Variants in TTC23L observed in about 807,000 individuals in gnomAD.
The protein encoded by TTC23L is tetratricopeptide repeat domain 23 like, also known as tetratricopeptide repeat protein 23-like.
Under a neutral mutation model 48.1 loss-of-function variants are expected in TTC23L, and 42 were observed. The ratio of observed to expected loss-of-function variants is 0.87; its 90% confidence interval spans 0.68 to 1.13. TTC23L has a LOEUF of 1.13. Ranked by LOEUF, TTC23L falls within the 50% of genes most tolerant of loss-of-function variation. The probability of loss-of-function intolerance (pLI) is 0.00; values close to 1 mark genes in which losing one functional copy is unlikely to be tolerated. For synonymous variants in TTC23L, 159 were observed against 157.2 expected (o/e 1.01, Z -0.09); for missense variants, 391 against 421.0 (o/e 0.93, Z 0.62).
At chr5:34,896,278 G>A (rs1331921503) in intron 9 of TTC23L, among the ~76,000 whole-genome samples, 1 of 152,208 alleles carries the variant, frequency 6.6e-6, no homozygotes, top group Non-Finnish European at 1.5e-5. Context: ...GCATGGAATA[G>A]GGCAGGCAGA....
intron 9 of TTC23L, among the ~76,000 whole-genome samples, chr5:34,886,518 G>C (rs1561154713): frequency 6.6e-6 from 1 of 152,132 alleles, no homozygotes; most frequent in African/African-American, 2.4e-5. Flanking sequence ...CCAAAGGAGA[G>C]CCCAGAAAGG....
chr5:34,925,312 G>A, the TTC23L span: 5 of 1,613,324 alleles, frequency 3.1e-6, no homozygotes, highest in Non-Finnish European at 3.4e-6. Context: ...GAAAGAAAGA[G>A]CCGAAGACTC....
chr5:34,908,369 T>G, the TTC23L span: 1 of 153,120 alleles, frequency 6.5e-6, no homozygotes, highest in South Asian at 2.1e-4. Context: ...GAGATGGGGT[T>G]TCTCCACGTT....
chr5:34,849,149 TC>T (rs1759460371), intron 3 of TTC23L, among the ~76,000 whole-genome samples: 1 of 152,172 alleles, frequency 6.6e-6, no homozygotes, highest in Non-Finnish European at 1.5e-5. Flanking sequence ...ACAGAATTAT[TC>T]CAGCTAATGT....
At chr5:34,853,961 C>G (rs990520287) in intron 4 of TTC23L, among the ~76,000 whole-genome samples, 2 of 152,226 alleles carry the variant, frequency 1.3e-5, no homozygotes, top group Admixed American at 1.3e-4. Flanking sequence ...ATGCTGCCCT[C>G]TCTGTCTTGC....
intron 9 of TTC23L, among the ~76,000 whole-genome samples, chr5:34,892,005 A>G (rs2111807094): frequency 6.6e-6 from 1 of 152,358 alleles, no homozygotes; most frequent in East Asian, 1.9e-4. Flanking sequence ...TTGCTGTGGC[A>G]GAAGGTTTTT....
exon 10 of TTC23L, chr5:34,896,869 A>G: frequency 1.4e-6 from 1 of 720,310 alleles, no homozygotes; most frequent in East Asian, 2.7e-5. Context: ...CAGTGTATGG[A>G]GGAATGGTAA....
the TTC23L span, chr5:34,914,582 T>C: frequency 4.4e-6 from 4 of 916,622 alleles, no homozygotes; most frequent in Admixed American, 4.7e-5. Flanking sequence ...TTATTATGAC[T>C]ATTGACAAGT....
chr5:34,911,879 G>T, the TTC23L span: 1 of 1,528,470 alleles, frequency 6.5e-7, no homozygotes, highest in South Asian at 1.2e-5. Context: ...TCCTCGAAAT[G>T]ATACATAAAA....
At chr5:34,851,360 C>A (rs2150363408) in intron 4 of TTC23L, among the ~76,000 whole-genome samples, 1 of 152,304 alleles carries the variant, frequency 6.6e-6, no homozygotes, top group East Asian at 1.9e-4. Context: ...ATTGAGTTCA[C>A]TTCTCAGTTA....
intron 9 of TTC23L, among the ~76,000 whole-genome samples, chr5:34,882,024 G>A (rs1762256890): frequency 6.6e-6 from 1 of 152,140 alleles, no homozygotes; most frequent in African/African-American, 2.4e-5. Flanking sequence ...AAAGTGCTAA[G>A]ATTAGAGGCG....
chr5:34,894,570 A>G (rs1763083639), intron 9 of TTC23L, among the ~76,000 whole-genome samples: 1 of 152,230 alleles, frequency 6.6e-6, no homozygotes, highest in African/African-American at 2.4e-5. Context: ...ACTTTTTACA[A>G]TAAATATTGT....
At chr5:34,909,166 A>C in the TTC23L span, 1 of 1,066,884 alleles carries the variant, frequency 9.4e-7, no homozygotes, top group African/African-American at 1.6e-5. Context: ...TGTGCATTTT[A>C]ATTAACAGAT....
chr5:34,897,024 C>CA (rs985186797), intron 10 of TTC23L, 149 bp downstream of exon 10: 142 of 529,692 alleles, frequency 2.7e-4, no homozygotes, highest in East Asian at 1.8e-3. Context: ...AAAAAAAAAA[C>CA]AAAAAAAACA....
chr5:34,844,473 G>C (rs1298599249), intron 2 of TTC23L, among the ~76,000 whole-genome samples: 1 of 146,394 alleles, frequency 6.8e-6, no homozygotes, highest in African/African-American at 2.5e-5. Flanking sequence ...GTTACACTTG[G>C]CAGTTATTTT....
At chr5:34,912,217 G>T in the TTC23L span, among the ~76,000 whole-genome samples, 1 of 152,216 alleles carries the variant, frequency 6.6e-6, no homozygotes, top group African/African-American at 2.4e-5. Context: ...GCTGTCATCT[G>T]TACTGTAACG....
intron 2 of TTC23L, among the ~76,000 whole-genome samples, chr5:34,843,569 C>T (rs768007835): frequency 2.6e-5 from 4 of 152,184 alleles, no homozygotes; most frequent in African/African-American, 4.8e-5. Context: ...TTTTTACTAT[C>T]CATAATTAGC....
intron 8 of TTC23L, among the ~76,000 whole-genome samples, chr5:34,879,649 A>G (rs564560107): frequency 4.4e-4 from 67 of 152,314 alleles, no homozygotes; most frequent in African/African-American, 1.6e-3. Flanking sequence ...GCTACAAAAA[A>G]TTCCATGGAT....
intron 9 of TTC23L, among the ~76,000 whole-genome samples, chr5:34,885,863 T>A (rs1455637288): frequency 6.6e-6 from 1 of 152,230 alleles, no homozygotes; most frequent in African/African-American, 2.4e-5. Context: ...GACATTACTT[T>A]TTAAGAAGAG....
Sources: gnomAD v4.1 joint callset for allele counts (sites outside exome capture counted in the v4.1 genomes callset) on GRCh38, gnomAD v4.1.1 for gene constraint, MANE v1.5 for transcripts, NCBI Gene and HGNC (gene_info 2026-07-23, HGNC 2026-07-21) for gene names.